The following DGKQ variants were observed in gnomAD, a reference collection of about 807,000 sequenced individuals.
The protein encoded by DGKQ is DAG kinase theta.
A neutral mutation model predicts 104.2 loss-of-function variants in DGKQ; 97 were observed. The ratio of observed to expected loss-of-function variants is 0.93; its 90% CI spans 0.79 to 1.10. The LOEUF is 1.10. DGKQ is among the 50% of genes least tolerant of loss of function. The pLI, the probability that DGKQ is intolerant of heterozygous loss-of-function variation, is 0.00. For missense variants in DGKQ, 1,465 were observed against 1,352.1 expected (o/e 1.08, Z -1.31); for synonymous variants, 736 against 595.2 (o/e 1.24, Z -3.44).
intron 15 of DGKQ, among the ~76,000 whole-genome samples, 174 bp downstream of exon 15, chr4:965,002 C>T (rs1242825140): frequency 6.6e-6 from 1 of 152,168 alleles, no homozygotes; most frequent in East Asian, 1.9e-4. Flanking sequence ...CAGAGTCCTT[C>T]CTGCTGTTGT....
Position 967,063 on chromosome 4 carries a change from A to G in DGKQ, c.1221-9T>C. On this transcript the variant is annotated splice_polypyrimidine_tract_variant and intron_variant, in intron 9 of 22. Transcript: ENST00000273814. Reference sequence around the variant, plus strand: ...CGTAGGCCACGCCCACCCTGTGGGGACACAGTCTGAGCTGGAGCTCCCCCC... The same window carrying G: ...CGTAGGCCACGCCCACCCTGTGGGGGCACAGTCTGAGCTGGAGCTCCCCCC... 1 of 1,550,038 alleles carries G rather than the reference A, an allele frequency of 6.5e-7. No individual in the cohort carries two copies. The highest frequency in any genetic ancestry group is 8.7e-7 in the Non-Finnish European group (1 of 1,146,356).
rs1711849686 is a variant in DGKQ at position 961,105 on chromosome 4, CG to C, written c.2670del (p.Asp890GlufsTer12). ...TLLKATPVQV[D>X]GEPWVQAPGH... ...CCCGGGGCCTGGACCCAGGGCTCCC[CG>C]TCCACCTGCACCGGGGTGGCCTTGA... On this transcript the variant is annotated frameshift_variant, in exon 22 of 23. Transcript: ENST00000273814. LOFTEE classifies it high-confidence loss of function. 6.2e-7 allele frequency: 1 copy of C among 1,611,828 alleles called. No individual in the cohort carries two copies. The highest frequency in any genetic ancestry group is 8.5e-7 in the Non-Finnish European group (1 of 1,179,484).
Position 961,144 on chromosome 4 carries a change from G to T in DGKQ, c.2632C>A (p.Arg878=), listed in dbSNP as rs775584332. 9.3e-6 allele frequency: 15 copies of T among 1,605,830 alleles called. No homozygotes were observed. Among genetic ancestry groups the T allele is most frequent in the Non-Finnish European group, 1.0e-5 (12 of 1,176,956 alleles). The change falls in exon 22 of 23, where the codon CGA becomes AGA. Residue 878 remains arginine, a synonymous_variant. Transcript: ENST00000273814. The part of the protein sequence containing the change: ...GIRIAQGSYF[R]VTLLKATPVQ... ...GGGGTGGCCTTGAGGAGCGTGACTC[G>T]GAAGTAGGAACCCTGGGCAATCCGG...
chr4:960,364 C>T lies in DGKQ; in HGVS notation c.*256G>A. ...GGGCTCACCATCCAGAGCCCTGCGC[C>T]CACCCGGGACACGGGGTAACACTGC... On this transcript the variant is annotated 3_prime_UTR_variant, in exon 23 of 23. Transcript: ENST00000273814. 1.8e-6 allele frequency: 1 copy of T among 562,728 alleles called. No homozygotes were observed. Among genetic ancestry groups the T allele is most frequent in the East Asian group, 2.9e-5 (1 of 34,430 alleles). 34.9% of individuals were successfully genotyped at this position (562,728 alleles called of 1,614,324 possible).
intron 1 of DGKQ, among the ~76,000 whole-genome samples, chr4:972,567 T>C (rs1434457876): frequency 1.4e-5 from 2 of 147,046 alleles, no homozygotes; most frequent in Admixed American, 6.6e-5. Flanking sequence ...GGCTGGGCTG[T>C]GGTCCCCCTG....
chr4:969,242 A>G (rs374789099), intron 2 of DGKQ, among the ~76,000 whole-genome samples: 1 of 152,308 alleles, frequency 6.6e-6, no homozygotes, highest in East Asian at 1.9e-4. Flanking sequence ...CTCCCCCAGC[A>G]GCCCTGCCTA....
intron 22 of DGKQ, 41 bp from the exon 23 acceptor site, chr4:960,762 C>T (rs1204762190): frequency 1.0e-5 from 16 of 1,602,698 alleles, no homozygotes; most frequent in African/African-American, 4.0e-5. Context: ...GTGACATGGC[C>T]GATGAAAGAA....
chr4:967,667 C>A lies in DGKQ; in HGVS notation c.887-18G>T. ...TTGCTTCCCTGGGCCGGGTAAGCTCCGTGAGTCCCGGGCGCCCGGGGGACC... is the reference window on the plus strand; with the variant it reads ...TTGCTTCCCTGGGCCGGGTAAGCTCAGTGAGTCCCGGGCGCCCGGGGGACC... On this transcript the variant is annotated intron_variant, in intron 7 of 22. Transcript: ENST00000273814. 6.2e-7 allele frequency: 1 copy of A among 1,612,502 alleles called. No homozygotes were observed.
At position 967,878 on chromosome 4, in the gene DGKQ, A is replaced by G; in HGVS notation, c.811+2T>C. 6.9e-7 allele frequency: 1 copy of G among 1,451,084 alleles called. No individual in the cohort carries two copies. The allele number at this position is 1,451,084 out of a possible 1,614,324, so 89.9% of individuals were successfully genotyped here. ...GGGCGCCCCGGCCGGCCCGCACCTCACCCGGCTCCGCGGCCTCCACGATGC... is the reference window on the plus strand; with the variant it reads ...GGGCGCCCCGGCCGGCCCGCACCTCGCCCGGCTCCGCGGCCTCCACGATGC... On this transcript the variant is annotated splice_donor_variant, in intron 6 of 22. Coordinates refer to ENST00000273814, the MANE Select transcript of DGKQ (RefSeq NM_001347.4). LOFTEE classifies it high-confidence loss of function.
rs746587352 is a variant in DGKQ at position 961,168 on chromosome 4, G to A, written c.2608C>T (p.Arg870Trp). The stretch of plus-strand genomic sequence containing the variant: ...CGGAAGTAGGAACCCTGGGCAATCC[G>A]GATTCCGGAGCGCAGCCCACCCTGG... ...QVQGGLRSGI[R>W]IAQGSYFRVT... is the part of the protein sequence containing the mutation. Residue 870 changes from arginine to tryptophan, a missense_variant, in exon 22 of 23, where the codon CGG becomes TGG. Coordinates refer to ENST00000273814, the MANE Select transcript of DGKQ (RefSeq NM_001347.4). 5 of 1,592,560 alleles carry A rather than the reference G, an allele frequency of 3.1e-6. No individual in the cohort carries two copies. Among genetic ancestry groups the A allele is most frequent in the Non-Finnish European group, 3.4e-6 (4 of 1,169,934 alleles).
In DGKQ at chr4:961,247, C is replaced by T. The variant is rs78509705; in HGVS notation, c.2575-46G>A. 17,379 of 1,459,812 alleles carry T rather than the reference C, an allele frequency of 0.012. 163 individuals are homozygous for T. The highest frequency in any genetic ancestry group is 0.016 in the Middle Eastern group (62 of 3,956). 90.4% of individuals were successfully genotyped at this position (1,459,812 alleles called of 1,614,324 possible). ...CGGGCTCAGCGGGGATCAGGGACGC[C>T]CACCGCTGACCTGGCCCTGGGGCGG... On this transcript the variant is annotated intron_variant, in intron 21 of 22. Coordinates refer to ENST00000273814, the MANE Select transcript of DGKQ (RefSeq NM_001347.4).
At chr4:970,293 C>T (rs1008972123) in intron 2 of DGKQ, among the ~76,000 whole-genome samples, 2 of 152,258 alleles carry the variant, frequency 1.3e-5, no homozygotes, top group African/African-American at 2.4e-5. Flanking sequence ...TCAGGGAATG[C>T]GGACTTGGGG....
intron 12 of DGKQ, 133 bp downstream of exon 12, chr4:966,333 G>A: frequency 2.9e-6 from 3 of 1,034,962 alleles, no homozygotes; most frequent in Non-Finnish European, 4.3e-6. Flanking sequence ...TGACGAGGGC[G>A]CTGCCCTGTC....
At chr4:965,081 C>T (rs945091356) in intron 15 of DGKQ, 95 bp downstream of exon 15, 8 of 908,912 alleles carry the variant, frequency 8.8e-6, no homozygotes, top group Non-Finnish European at 1.4e-5. Flanking sequence ...ATGAAAACAG[C>T]GAGTCTGGCT....
At position 967,267 on chromosome 4, in the gene DGKQ, G is replaced by A; in HGVS notation, c.1082C>T (p.Ala361Val). The A allele has an allele frequency of 7.1e-6, 11 of 1,554,122 alleles. No individual in the cohort carries two copies. Among genetic ancestry groups the A allele is most frequent in the Non-Finnish European group, 9.5e-6 (11 of 1,153,932 alleles). ...PPSSQACDAW[A>V]GGKAGSAVIS... is the part of the protein sequence containing the mutation. Reference sequence around the variant, plus strand: ...CACAGCACTCCCAGCCTTGCCCCCAGCCCAGGCGTCACAGGCCTGAGAGGA... The same window carrying A: ...CACAGCACTCCCAGCCTTGCCCCCAACCCAGGCGTCACAGGCCTGAGAGGA... Residue 361 changes from alanine (A) to valine (V), a missense_variant, in exon 9 of 23, where the codon GCT (alanine) becomes GTT (valine). Ala to Val is a moderately conservative substitution (Grantham distance 64). Transcript: ENST00000273814.
chr4:963,074 G>A, intron 16 of DGKQ, 65 bp downstream of exon 16: 2 of 1,524,466 alleles, frequency 1.3e-6, no homozygotes, highest in East Asian at 2.4e-5. Flanking sequence ...AGACAGCTGT[G>A]GCAGCCTCCT....
chr4:968,118 A>C, intron 5 of DGKQ, 91 bp from the exon 6 acceptor site: 1 of 908,194 alleles, frequency 1.1e-6, no homozygotes, highest in Non-Finnish European at 1.5e-6. Context: ...CACACGACGC[A>C]GACCCACCTG....
rs747072015 is a variant in DGKQ, at chr4:963,189, T to C, written c.1836A>G (p.Leu612=). Residue 612 remains leucine, a synonymous_variant, in exon 16 of 23, where the codon CTA becomes CTG. Transcript: ENST00000273814. ...GGTCGAAGACCTGATGAGGGTTCAGTAGCTTCCGGAAGCTGCAGAGCAGGT... is the reference window on the plus strand; with the variant it reads ...GGTCGAAGACCTGATGAGGGTTCAGCAGCTTCCGGAAGCTGCAGAGCAGGT... ...GRDLLCSFRK[L]LNPHQVFDLT... 3.1e-6 allele frequency: 5 copies of C among 1,611,044 alleles called. No homozygotes were observed. The highest frequency in any genetic ancestry group is 3.4e-6 in the Non-Finnish European group (4 of 1,178,514).
At position 962,495 on chromosome 4, in the gene DGKQ, C is replaced by G; in HGVS notation, c.2154G>C (p.Leu718=). The change falls in exon 18 of 23, where the codon CTG becomes CTC. Residue 718 remains leucine, a synonymous_variant. Transcript: ENST00000273814. The part of the protein sequence containing the change: ...DAVLMDRWTI[L]LDAHEAGSAE... ...CACTGCCAGCCTCGTGGGCATCCAG[C>G]AGGATGGTCCAGCGGTCCATGAGCA... 1 of 1,608,962 alleles carries G rather than the reference C, an allele frequency of 6.2e-7. No homozygotes were observed. The highest frequency in any genetic ancestry group is 8.5e-7 in the Non-Finnish European group (1 of 1,179,760).
Sources: allele counts gnomAD v4.1 joint callset (sites outside exome capture counted in the v4.1 genomes callset), GRCh38; gene constraint gnomAD v4.1.1; transcripts MANE v1.5; gene names NCBI Gene and HGNC (gene_info 2026-07-23, HGNC 2026-07-21).